Variants in CRYBG1 observed in about 807,000 individuals in gnomAD.
CRYBG1 encodes crystallin beta-gamma domain containing 1.
In CRYBG1, 139 loss-of-function variants were observed where a neutral mutation model predicts 189.2. The ratio of observed to expected loss-of-function variants is 0.73; its 90% CI spans 0.64 to 0.85. The LOEUF (loss-of-function observed/expected upper bound fraction) is 0.85, where lower values mean the gene tolerates loss of function less well. Among genes scored for constraint, CRYBG1 ranks in the 40% least tolerant of loss-of-function variants. The probability of loss-of-function intolerance (pLI) is 0.00; values close to 1 mark genes in which losing one functional copy is unlikely to be tolerated. For missense variants in CRYBG1, 2,611 were observed against 2,675.8 expected (o/e 0.98, Z 0.53); for synonymous variants, 1,023 against 1,017.1 (o/e 1.01, Z -0.11).
At chr6:106,448,199 A>G (rs1257745326) in intron 1 of CRYBG1, among the ~76,000 whole-genome samples, 4 of 152,192 alleles carry the variant, frequency 2.6e-5, no homozygotes, top group Admixed American at 2.6e-4. Flanking sequence ...AAACTGTGAA[A>G]TCATGGCGTC....
At position 106,491,010 on chromosome 6, in the gene CRYBG1, T is replaced by C. The variant is rs78392266; in HGVS notation, c.313-20420T>C. Among the ~76,000 whole-genome samples the C allele has an allele frequency of 9.6e-3, 1,468 of 152,348 alleles. 25 individuals carry two copies. Among genetic ancestry groups the C allele is most frequent in the African/African-American group, 0.034 (1,400 of 41,588 alleles). On this transcript the variant is annotated intron_variant, in intron 2 of 21. Coordinates refer to ENST00000633556, the MANE Select transcript of CRYBG1 (RefSeq NM_001371242.2). ...GTGATATTAATTTAACGAAGCCTCC[T>C]CTTGCAAGAGAATTTCATTGGTTTG...
Position 106,544,920 on chromosome 6 carries a change from G to T in CRYBG1, c.5299G>T (p.Val1767Leu), listed in dbSNP as rs763158568. 2.5e-6 allele frequency: 4 copies of T among 1,601,128 alleles called. No individual in the cohort carries two copies. Among genetic ancestry groups the T allele is most frequent in the Non-Finnish European group, 3.4e-6 (4 of 1,176,692 alleles). ...TGGAGTGAAGACACAGTCTATTAAT[G>T]TACTGAGTGGAGTGTAAGTGAAATA... ...GYGVKTQSIN[V>L]LSGVWVAYEN... Residue 1767 changes from valine (V) to leucine (L), a missense_variant, in exon 13 of 22, where the codon GTA becomes TTA. Coordinates refer to ENST00000633556, the MANE Select transcript of CRYBG1 (RefSeq NM_001371242.2).
At chr6:106,468,643 T>TGG (rs1772161133) in intron 2 of CRYBG1, among the ~76,000 whole-genome samples, 1 of 152,232 alleles carries the variant, frequency 6.6e-6, no homozygotes, top group Admixed American at 6.5e-5. Context: ...TGAGCCATGA[T>TGG]AGTGCCATTG....
intron 21 of CRYBG1, among the ~76,000 whole-genome samples, chr6:106,566,015 C>T (rs993030498): frequency 2.0e-5 from 3 of 152,140 alleles, no homozygotes; most frequent in African/African-American, 7.2e-5. Context: ...CCAAACCTTC[C>T]TGTTTTTTAC....
At chr6:106,538,398 G>A (rs992654496) in intron 8 of CRYBG1, among the ~76,000 whole-genome samples, 3 of 152,318 alleles carry the variant, frequency 2.0e-5, no homozygotes, top group Non-Finnish European at 4.4e-5. Context: ...ATAGAAGGGT[G>A]TGGTATTGAA....
At chr6:106,495,166 G>A (rs1434147377) in intron 2 of CRYBG1, among the ~76,000 whole-genome samples, 1 of 152,138 alleles carries the variant, frequency 6.6e-6, no homozygotes, top group Non-Finnish European at 1.5e-5. Context: ...TATTAAATGT[G>A]CTTTTCACAT....
At chr6:106,396,835 T>C (rs112885570) in intron 1 of CRYBG1, among the ~76,000 whole-genome samples, 3,067 of 152,270 alleles carry the variant, frequency 0.02, 109 homozygotes, top group African/African-American at 0.069. Flanking sequence ...GTGCATACCA[T>C]CACACCCAGC....
intron 2 of CRYBG1, among the ~76,000 whole-genome samples, chr6:106,452,863 G>T (rs1267831989): frequency 2.0e-5 from 3 of 152,184 alleles, no homozygotes; most frequent in Non-Finnish European, 4.4e-5. Context: ...GTCACAGGGT[G>T]AGTGAGAGCT....
intron 1 of CRYBG1, among the ~76,000 whole-genome samples, chr6:106,426,944 A>T (rs1205795785): frequency 6.6e-6 from 1 of 152,210 alleles, no homozygotes; most frequent in Non-Finnish European, 1.5e-5. Context: ...TACTCAAATT[A>T]TCAGCAACAT....
At chr6:106,431,523 A>C (rs1771326438) in intron 1 of CRYBG1, among the ~76,000 whole-genome samples, 1 of 152,188 alleles carries the variant, frequency 6.6e-6, no homozygotes, top group South Asian at 2.1e-4. Context: ...ATAAGATGAG[A>C]TTATAAACCT....
At position 106,520,242 on chromosome 6, in the gene CRYBG1, A is replaced by T; in HGVS notation, c.3034A>T (p.Asn1012Tyr). 1 of 1,614,206 alleles carries T rather than the reference A, an allele frequency of 6.2e-7. No homozygotes were observed. The highest frequency in any genetic ancestry group is 8.5e-7 in the Non-Finnish European group (1 of 1,180,038). The change falls in exon 4 of 22, where the codon AAT becomes TAT. Residue 1012 changes from asparagine to tyrosine, a missense_variant. This residue lies in a region of CRYBG1 where 1,622 missense variants were observed against 1,735.0 expected (regional missense o/e 0.93). Coordinates refer to ENST00000633556, the MANE Select transcript of CRYBG1 (RefSeq NM_001371242.2). The stretch of plus-strand genomic sequence containing the variant: ...TCCCCCACAAGAGGAAGTACTGGGC[A>T]ATGAACACTCTCATTGCACAGCAGA... ...CAPPQEEVLGNEHSHCTAELA... is the reference protein window; with the variant it reads ...CAPPQEEVLGYEHSHCTAELA...
chr6:106,512,196 C>G lies in CRYBG1; in HGVS notation c.1079C>G (p.Ala360Gly). The change falls in exon 3 of 22, where the codon GCA (alanine) becomes GGA (glycine). Residue 360 changes from alanine to glycine, a missense_variant. Ala to Gly is a moderately conservative substitution (Grantham distance 60). Transcript: ENST00000633556. ...GCGCACACGGCCAGCTCCGCGCAGG[C>G]AGACTGCACAGCCCGCCCCAAGGGT... ...GAAHTASSAQ[A>G]DCTARPKGHA... 1 of 1,535,676 alleles carries G rather than the reference C, an allele frequency of 6.5e-7. No homozygotes were observed. Among genetic ancestry groups the G allele is most frequent in the Non-Finnish European group, 8.7e-7 (1 of 1,146,462 alleles).
At chr6:106,433,745 G>GTATA (rs1383622812) in intron 1 of CRYBG1, among the ~76,000 whole-genome samples, 2 of 20,760 alleles carry the variant, frequency 9.6e-5, no homozygotes, top group African/African-American at 3.8e-4. Flanking sequence ...ACATATATAT[G>GTATA]TATATATATA....
intron 2 of CRYBG1, among the ~76,000 whole-genome samples, chr6:106,456,873 G>A (rs925193696): frequency 6.6e-6 from 1 of 152,068 alleles, no homozygotes; most frequent in Non-Finnish European, 1.5e-5. Flanking sequence ...CATCCCCTGG[G>A]CCATATCTTG....
At chr6:106,439,562 A>G (rs1771531192) in intron 1 of CRYBG1, among the ~76,000 whole-genome samples, 1 of 152,192 alleles carries the variant, frequency 6.6e-6, no homozygotes, top group Non-Finnish European at 1.5e-5. Flanking sequence ...TGTTGACTCA[A>G]GAGTCCTCAT....
intron 1 of CRYBG1, among the ~76,000 whole-genome samples, chr6:106,399,494 GA>G (rs1770678498): frequency 6.6e-6 from 1 of 152,040 alleles, no homozygotes; most frequent in African/African-American, 2.4e-5. Flanking sequence ...ATATCCATTT[GA>G]ACAACTTTCT....
intron 16 of CRYBG1, 100 bp from the exon 17 acceptor site, chr6:106,555,668 G>C (rs1179393509): frequency 7.3e-7 from 1 of 1,370,942 alleles, no homozygotes. Context: ...CAGAAGCATT[G>C]TGTTTATTTT....
At chr6:106,530,453 G>T in intron 8 of CRYBG1, 138 bp downstream of exon 8, 1 of 785,982 alleles carries the variant, frequency 1.3e-6, no homozygotes, top group Non-Finnish European at 1.9e-6. Context: ...ATTTTTATAA[G>T]GCACGTAAAA....
Position 106,386,002 on chromosome 6 carries a change from AC to A in CRYBG1, c.173+24922del, listed in dbSNP as rs200366765. Among the ~76,000 whole-genome samples, 14 of 152,296 alleles carry A rather than the reference AC, an allele frequency of 9.2e-5. No individual in the cohort carries two copies. In the East Asian group the frequency reaches 2.7e-3, roughly 29 times the overall value. ...AAAACAAAACAAAACAACAACAACAACAAAAAACCTCCAAAGGCTCATCTTT... is the reference window on the plus strand; with the variant it reads ...AAAACAAAACAAAACAACAACAACAAAAAAAACCTCCAAAGGCTCATCTTT... On this transcript the variant is annotated intron_variant, in intron 1 of 21. Transcript: ENST00000633556.
Sources: allele counts gnomAD v4.1 joint callset (sites outside exome capture counted in the v4.1 genomes callset), GRCh38; gene constraint gnomAD v4.1.1; regional missense constraint gnomAD v4.1.1; transcripts MANE v1.5; gene names NCBI Gene and HGNC (gene_info 2026-07-23, HGNC 2026-07-21).